Variants in DISP3 observed in about 807,000 individuals in gnomAD.
DISP3 encodes dispatched RND transporter family member 3, also known as protein dispatched homolog 3.
A neutral mutation model predicts 135.3 loss-of-function variants in DISP3; 101 were observed. The ratio of observed to expected loss-of-function variants is 0.75; its 90% CI spans 0.64 to 0.88. The LOEUF is 0.88. Ranked by LOEUF, DISP3 falls within the 40% of genes least tolerant of loss-of-function variation. The pLI is 0.00. For missense variants in DISP3, 1,713 were observed against 1,878.6 expected (o/e 0.91, Z 1.63); for synonymous variants, 856 against 817.0 (o/e 1.05, Z -0.81).
chr1:11,513,963 T>A (rs996838897), intron 3 of DISP3, among the ~76,000 whole-genome samples: 3 of 143,852 alleles, frequency 2.1e-5, no homozygotes, highest in Non-Finnish European at 3.1e-5. Flanking sequence ...TTTTTTTTTT[T>A]AATTAAAAAT....
At position 11,525,251 on chromosome 1, in the gene DISP3, C is replaced by T. The variant is rs61750329; in HGVS notation, c.2552C>T (p.Ala851Val). ...HPAVYRLSLN[A>V]SLPAPWQAVS... ...GCTGTCTACAGGCTCTCCCTCAATG[C>T]CAGCCTGCCTGCTCCTTGGCAGGCT... The change falls in exon 12 of 21, where the codon GCC (alanine) becomes GTC (valine). Residue 851 changes from alanine to valine, a missense_variant. Coordinates refer to ENST00000294484, the MANE Select transcript of DISP3 (RefSeq NM_020780.2). 45,767 of 1,613,990 alleles carry T rather than the reference C, an allele frequency of 0.028. 2,516 individuals are homozygous for T. Among genetic ancestry groups the T allele is most frequent in the Admixed American group, 0.24 (14,187 of 60,002 alleles).
rs570197839 is a variant in DISP3, at chr1:11,511,186, T to C, written c.1317-3204T>C. Among the ~76,000 whole-genome samples the C allele has an allele frequency of 7.2e-5, 11 of 152,302 alleles. No individual in the cohort carries two copies. The East Asian group carries it at 1.4e-3, about 19-fold the overall frequency. On this transcript the variant is annotated intron_variant, in intron 3 of 20. Coordinates refer to ENST00000294484, the MANE Select transcript of DISP3 (RefSeq NM_020780.2). ...TCCACCCTGGCCCCTCCAATTCTCATGTCCTCACATTTTAAAACCAATCAT... is the reference window on the plus strand; with the variant it reads ...TCCACCCTGGCCCCTCCAATTCTCACGTCCTCACATTTTAAAACCAATCAT...
chr1:11,503,702 A>G (rs1389012972), intron 3 of DISP3, among the ~76,000 whole-genome samples: 1 of 152,138 alleles, frequency 6.6e-6, no homozygotes, highest in African/African-American at 2.4e-5. Flanking sequence ...ACACACCCAG[A>G]GGCAATGCTT....
chr1:11,495,822 C>A (rs1343207953), intron 1 of DISP3, among the ~76,000 whole-genome samples: 1 of 152,230 alleles, frequency 6.6e-6, no homozygotes, highest in Admixed American at 6.5e-5. Context: ...CTGCTACAAC[C>A]TAAGCCAACT....
chr1:11,509,431 G>C (rs1641793840), intron 3 of DISP3, among the ~76,000 whole-genome samples: 1 of 151,952 alleles, frequency 6.6e-6, no homozygotes. Context: ...GTTGTTCATG[G>C]TCTTCTATAT....
chr1:11,535,209 C>A, intron 19 of DISP3, 85 bp downstream of exon 19: 2 of 1,281,306 alleles, frequency 1.6e-6, no homozygotes, highest in South Asian at 1.3e-5. Flanking sequence ...AGCCTCCAGG[C>A]CTCTGAACCT....
chr1:11,491,008 C>G lies in DISP3; in HGVS notation c.-3-9982C>G, dbSNP rs529192920. Among the ~76,000 whole-genome samples the G allele has an allele frequency of 6.2e-4, 95 of 152,326 alleles. No individual in the cohort carries two copies. The highest frequency in any genetic ancestry group is 2.2e-3 in the African/African-American group (92 of 41,568). On this transcript the variant is annotated intron_variant, in intron 1 of 20. Coordinates refer to ENST00000294484, the MANE Select transcript of DISP3 (RefSeq NM_020780.2). The surrounding 1 kb of genome is among the most constrained non-coding windows in gnomAD (Gnocchi z 4.3). ...TACCAAGAAGAGCTATTTGGCAGAT[C>G]TGGGTGTGCTGTTTGTATCCCCCTG...
intron 3 of DISP3, among the ~76,000 whole-genome samples, chr1:11,509,498 A>G (rs1436452507): frequency 6.6e-6 from 1 of 152,174 alleles, no homozygotes; most frequent in Non-Finnish European, 1.5e-5. Flanking sequence ...AGATATTGAA[A>G]TATCTATCTA....
chr1:11,481,453 TAGCCATGACCTGG>T, intron 1 of DISP3: 1 of 152,220 alleles, frequency 6.6e-6, no homozygotes, highest in Non-Finnish European at 1.5e-5. Context: ...TGAGATCTGG[TAGCCATGACCTGG>T]CTTGCCCTTT....
rs958528200 is a variant in DISP3 at position 11,497,024 on chromosome 1, G to A, written c.-3-3966G>A. ...GGGGGCAGACTGAGAAGGCAGGCACGGGGTGGGGAGGGTGCATGATAGACC... is the reference window on the plus strand; with the variant it reads ...GGGGGCAGACTGAGAAGGCAGGCACAGGGTGGGGAGGGTGCATGATAGACC... On this transcript the variant is annotated intron_variant, in intron 1 of 20. Transcript: ENST00000294484. 4.6e-5 allele frequency among the ~76,000 whole-genome samples: 7 copies of A among 152,114 alleles called. 1 individual carries two copies. The South Asian group carries it at 6.2e-4, about 13-fold the overall frequency.
chr1:11,501,512 G>A lies in DISP3; in HGVS notation c.520G>A (p.Val174Ile), dbSNP rs1441790403. The change falls in exon 2 of 21, where the codon GTC becomes ATC. Residue 174 changes from valine to isoleucine, a missense_variant. Around this residue, in one of 2 missense-constraint regions of DISP3, gnomAD observed 571 missense variants for 494.1 expected, o/e 1.16. Transcript: ENST00000294484. This position sits in a 1 kb window ranked among gnomAD's most constrained non-coding sequence, Gnocchi z 4.9. ...RSRQASRAPRVIPAASLGGPG... is the reference protein window; with the variant it reads ...RSRQASRAPRIIPAASLGGPG... ...GCGGCAAGCCTCCCGAGCCCCCCGC[G>A]TCATCCCCGCGGCCTCACTCGGTGG... 4 of 1,605,200 alleles carry A rather than the reference G, an allele frequency of 2.5e-6. No homozygotes were observed. Among genetic ancestry groups the A allele is most frequent in the Admixed American group, 3.4e-5 (2 of 59,086 alleles).
rs1259635706 is a variant in DISP3 at position 11,536,558 on chromosome 1, C to A, written c.4051C>A (p.Arg1351=). 6.2e-7 allele frequency: 1 copy of A among 1,612,574 alleles called. No individual in the cohort carries two copies. The highest frequency in any genetic ancestry group is 8.5e-7 in the Non-Finnish European group (1 of 1,179,948). The change falls in exon 21 of 21, where the codon CGG becomes AGG. Residue 1351 remains arginine (R), a synonymous_variant. Transcript: ENST00000294484. The surrounding 1 kb of genome is among the most constrained non-coding windows in gnomAD (Gnocchi z 4.3). ...LGIMAPSSFT[R]TRTSFLKALG... ...CATCATGGCGCCCAGCTCTTTCACTCGGACCCGGACTTCCTTCCTCAAGGC... is the reference window on the plus strand; with the variant it reads ...CATCATGGCGCCCAGCTCTTTCACTAGGACCCGGACTTCCTTCCTCAAGGC...
intron 1 of DISP3, among the ~76,000 whole-genome samples, chr1:11,494,096 C>T (rs1447567899): frequency 6.6e-6 from 1 of 152,226 alleles, no homozygotes; most frequent in Non-Finnish European, 1.5e-5. Context: ...GATCAATAGA[C>T]CTGGGGTTCA....
At chr1:11,535,412 C>A in intron 19 of DISP3, 66 bp from the exon 20 acceptor site, 1 of 1,533,784 alleles carries the variant, frequency 6.5e-7, no homozygotes, top group Non-Finnish European at 8.8e-7. Context: ...GACTCCAGAC[C>A]TCCCTGTTCC....
At chr1:11,534,638 T>A in intron 18 of DISP3, 98 bp downstream of exon 18, 1 of 1,448,282 alleles carries the variant, frequency 6.9e-7, no homozygotes, top group East Asian at 2.4e-5. Flanking sequence ...ATCTCCATCC[T>A]GGCCAAGAGC....
At chr1:11,535,293 G>T (rs1352088701) in intron 19 of DISP3, among the ~76,000 whole-genome samples, 169 bp downstream of exon 19, 1 of 152,166 alleles carries the variant, frequency 6.6e-6, no homozygotes, top group Non-Finnish European at 1.5e-5. Flanking sequence ...CAGAGCCGGG[G>T]TACCCAGGTA....
At chr1:11,522,781 G>A in intron 10 of DISP3, among the ~76,000 whole-genome samples, 1 of 140,326 alleles carries the variant, frequency 7.1e-6, no homozygotes, top group Non-Finnish European at 1.6e-5. Flanking sequence ...GACCCAGCCA[G>A]GGCCCAGCCA....
intron 1 of DISP3, chr1:11,481,694 T>C (rs1004963933): frequency 2.6e-5 from 4 of 152,222 alleles, no homozygotes; most frequent in Non-Finnish European, 4.4e-5. Flanking sequence ...AGGTGACCTG[T>C]AGGGTCACTT....
intron 2 of DISP3, 135 bp downstream of exon 2, chr1:11,502,223 G>C (rs1641563494): frequency 7.4e-7 from 1 of 1,352,120 alleles, no homozygotes; most frequent in Non-Finnish European, 9.7e-7. Flanking sequence ...CATGGCCGGA[G>C]GGCAAGGTGA....
Sources: allele counts gnomAD v4.1 joint callset (sites outside exome capture counted in the v4.1 genomes callset), GRCh38; gene constraint gnomAD v4.1.1; regional missense constraint gnomAD v4.1.1; non-coding constraint Gnocchi (gnomAD v3.1); transcripts MANE v1.5; gene names NCBI Gene and HGNC (gene_info 2026-07-23, HGNC 2026-07-21).